ZFYVE9: variants seen among roughly 807,000 people sequenced by gnomAD.
ZFYVE9 encodes zinc finger FYVE-type containing 9, also known as zinc finger FYVE domain-containing protein 9.
ZFYVE9 carries 43 observed loss-of-function variants against 126.7 expected under a neutral mutation model. The ratio of observed to expected loss-of-function variants is 0.34; its 90% confidence interval spans 0.27 to 0.44. ZFYVE9 has a LOEUF of 0.44. Ranked by LOEUF, ZFYVE9 falls within the 20% of genes least tolerant of loss-of-function variation. The pLI is 1.00. For synonymous variants in ZFYVE9, 521 were observed against 597.4 expected (o/e 0.87, Z 1.87); for missense variants, 1,476 against 1,697.0 (o/e 0.87, Z 2.29).
chr1:52,253,106 C>T (rs540765782), intron 4 of ZFYVE9, among the ~76,000 whole-genome samples: 1 of 152,220 alleles, frequency 6.6e-6, no homozygotes, highest in East Asian at 1.9e-4. Flanking sequence ...GTGAGCTGTG[C>T]TCACACCACT....
At position 52,153,591 on chromosome 1, in the gene ZFYVE9, C is replaced by T. The variant is rs74772214; in HGVS notation, c.-143+11188C>T. Among the ~76,000 whole-genome samples, 464 of 152,292 alleles carry T rather than the reference C, an allele frequency of 3.0e-3. 24 individuals carry two copies. The East Asian group carries it at 0.076, about 25-fold the overall frequency. Reference sequence around the variant, plus strand: ...ATTCTTTCTTGTTCCCTTTGTGTAACGGCAGCCCTACTTCCTCCTGAGGAT... The same window carrying T: ...ATTCTTTCTTGTTCCCTTTGTGTAATGGCAGCCCTACTTCCTCCTGAGGAT... On this transcript the variant is annotated intron_variant, in intron 1 of 18. Coordinates refer to ENST00000287727, the MANE Select transcript of ZFYVE9 (RefSeq NM_004799.4).
intron 8 of ZFYVE9, 106 bp from the exon 9 acceptor site, chr1:52,278,386 C>T (rs1025574449): frequency 1.4e-6 from 2 of 1,440,390 alleles, no homozygotes; most frequent in African/African-American, 2.8e-5. Flanking sequence ...ATTGATAAAT[C>T]AAATGCATGT....
At chr1:52,287,313 A>G (rs1645871282) in intron 10 of ZFYVE9, among the ~76,000 whole-genome samples, 1 of 152,118 alleles carries the variant, frequency 6.6e-6, no homozygotes, top group Non-Finnish European at 1.5e-5. Flanking sequence ...AGGTTTCACC[A>G]TGTTAGCCAG....
At chr1:52,288,988 T>G (rs77275262) in intron 10 of ZFYVE9, among the ~76,000 whole-genome samples, 1,825 of 151,756 alleles carry the variant, frequency 0.012, 32 homozygotes, top group African/African-American at 0.042. Flanking sequence ...ATGAACCATT[T>G]GCTTGGAAAT....
intron 1 of ZFYVE9, among the ~76,000 whole-genome samples, chr1:52,168,808 G>T (rs143477625): frequency 2.6e-5 from 4 of 152,054 alleles, no homozygotes; most frequent in Non-Finnish European, 1.5e-5. Flanking sequence ...GAGCCACCAC[G>T]CCTAGCCAGA....
At chr1:52,345,906 TCACC>T (rs1413761993) in intron 18 of ZFYVE9, 150 bp from the exon 19 acceptor site, 1 of 713,724 alleles carries the variant, frequency 1.4e-6, no homozygotes, top group African/African-American at 1.8e-5. Context: ...GGATAAGTGA[TCACC>T]CAGAAAAGAG....
chr1:52,221,333 C>T (rs1645122687), intron 2 of ZFYVE9, among the ~76,000 whole-genome samples: 1 of 152,102 alleles, frequency 6.6e-6, no homozygotes, highest in African/African-American at 2.4e-5. Flanking sequence ...TCCAGTCTGA[C>T]TCTAGTTTGA....
intron 7 of ZFYVE9, among the ~76,000 whole-genome samples, chr1:52,271,873 CTTG>C (rs1329053287): frequency 6.6e-6 from 1 of 151,940 alleles, no homozygotes; most frequent in Non-Finnish European, 1.5e-5. Flanking sequence ...GAGTTTTGCT[CTTG>C]TTGTCCAGGC....
chr1:52,234,175 C>T (rs557934163), intron 3 of ZFYVE9, among the ~76,000 whole-genome samples: 5 of 152,252 alleles, frequency 3.3e-5, no homozygotes, highest in African/African-American at 1.2e-4. Flanking sequence ...TCCTCCTCAC[C>T]GTTCTTCCCC....
chr1:52,320,691 G>C (rs1157119993), intron 13 of ZFYVE9, among the ~76,000 whole-genome samples: 1 of 152,096 alleles, frequency 6.6e-6, no homozygotes, highest in East Asian at 1.9e-4. Context: ...GAAGACATAA[G>C]ATAAAAATCT....
chr1:52,268,395 T>C (rs1057374619), intron 6 of ZFYVE9, 68 bp from the exon 7 acceptor site: 1 of 1,516,924 alleles, frequency 6.6e-7, no homozygotes, highest in African/African-American at 1.4e-5. Context: ...GGTGACCTTC[T>C]CTTCTTTGAT....
At chr1:52,201,674 TG>T (rs1193971242) in intron 1 of ZFYVE9, among the ~76,000 whole-genome samples, 2 of 151,938 alleles carry the variant, frequency 1.3e-5, no homozygotes, top group Non-Finnish European at 2.9e-5. Context: ...CCACTGTGCC[TG>T]GCCCAGGTCT....
intron 14 of ZFYVE9, among the ~76,000 whole-genome samples, chr1:52,333,254 G>A (rs973370850): frequency 4.7e-5 from 7 of 150,124 alleles, no homozygotes; most frequent in African/African-American, 1.7e-4. Context: ...CCTGCATGTT[G>A]TGCACATGTA....
intron 9 of ZFYVE9, among the ~76,000 whole-genome samples, chr1:52,280,189 C>T (rs1253022490): frequency 8.0e-6 from 1 of 124,610 alleles, no homozygotes; most frequent in Non-Finnish European, 1.7e-5. Flanking sequence ...CTAGCCTGGG[C>T]AACATGGTGA....
chr1:52,239,533 A>C lies in ZFYVE9; in HGVS notation c.2116A>C (p.Met706Leu). Reference protein sequence around the residue: ...WVPDSQAPNCMKCEARFTFTK... With the variant: ...WVPDSQAPNCLKCEARFTFTK... ...ACCGGATTCTCAGGCTCCAAATTGC[A>C]TGAAATGTGAAGCCAGGTTTACATT... Residue 706 changes from methionine (M) to leucine (L), a missense_variant, in exon 4 of 19, where the codon ATG becomes CTG. Coordinates refer to ENST00000287727, the MANE Select transcript of ZFYVE9 (RefSeq NM_004799.4). The C allele has an allele frequency of 6.2e-7, 1 of 1,614,108 alleles. No homozygotes were observed. The highest frequency in any genetic ancestry group is 2.2e-5 in the East Asian group (1 of 44,882).
chr1:52,299,863 G>A (rs1214982966), intron 12 of ZFYVE9, among the ~76,000 whole-genome samples: 1 of 152,226 alleles, frequency 6.6e-6, no homozygotes, highest in African/African-American at 2.4e-5. Flanking sequence ...CTGGGAATGA[G>A]GGCTGTATGA....
chr1:52,235,055 G>T (rs1259443423), intron 3 of ZFYVE9, among the ~76,000 whole-genome samples: 1 of 152,054 alleles, frequency 6.6e-6, no homozygotes, highest in African/African-American at 2.4e-5. Context: ...CATTTTTGTT[G>T]AATCAGTAAA....
rs1645073354 is a variant in ZFYVE9, at chr1:52,216,485, G to A, written c.-37+11G>A. The A allele has an allele frequency of 2.5e-6, 1 of 398,402 alleles. No homozygotes were observed. Among genetic ancestry groups the A allele is most frequent in the Non-Finnish European group, 4.4e-6 (1 of 225,936 alleles). 24.7% of individuals were successfully genotyped at this position (398,402 alleles called of 1,614,324 possible). A position where few individuals can be genotyped will look rare whatever the true frequency, so the allele number is the denominator to read the frequency against. On this transcript the variant is annotated intron_variant, in intron 2 of 18. Transcript: ENST00000287727. ...TGTAAGGGGAAAAAGGTAAGAAAATGTTTTTATTTCTCTTAGAGATTGAAC... is the reference window on the plus strand; with the variant it reads ...TGTAAGGGGAAAAAGGTAAGAAAATATTTTTATTTCTCTTAGAGATTGAAC...
intron 4 of ZFYVE9, among the ~76,000 whole-genome samples, chr1:52,251,417 G>A (rs1645445441): frequency 6.6e-6 from 1 of 151,916 alleles, no homozygotes; most frequent in South Asian, 2.1e-4. Context: ...AAAGAGTGTT[G>A]AATTTTGTTA....
Sources: allele counts gnomAD v4.1 joint callset (sites outside exome capture counted in the v4.1 genomes callset), GRCh38; gene constraint gnomAD v4.1.1; transcripts MANE v1.5; gene names NCBI Gene and HGNC (gene_info 2026-07-23, HGNC 2026-07-21).